Variants in WDPCP observed in about 807,000 individuals in gnomAD.
WDPCP encodes WD repeat containing planar cell polarity effector.
WDPCP carries 71 observed loss-of-function variants against 93.1 expected under a neutral mutation model. The observed-to-expected ratio is 0.76, with a 90% confidence interval of 0.63 to 0.93. The LOEUF is 0.93. Among genes scored for constraint, WDPCP ranks in the 40% least tolerant of loss-of-function variants. The pLI is 0.00. For synonymous variants in WDPCP, 315 were observed against 315.0 expected, an observed-to-expected ratio of 1.00 and a Z score of 0.00; for missense variants, 844 against 887.4, an observed-to-expected ratio of 0.95 and a Z score of 0.62.
upstream of WDPCP, among the ~76,000 whole-genome samples, chr2:63,828,331 C>T (rs1352872951): frequency 6.6e-6 from 1 of 152,058 alleles, no homozygotes; most frequent in Non-Finnish European, 1.5e-5. Context: ...CCAACTATTT[C>T]CTCAGAGAGG....
intron 2 of WDPCP, among the ~76,000 whole-genome samples, chr2:63,799,649 A>C (rs181042083): frequency 6.6e-6 from 1 of 152,338 alleles, no homozygotes; most frequent in Admixed American, 6.5e-5. Flanking sequence ...GGCCACAAAA[A>C]GTCTTTGTCT....
chr2:63,609,538 CAT>C (rs1289185128), intron 3 of WDPCP, among the ~76,000 whole-genome samples: 1 of 152,224 alleles, frequency 6.6e-6, no homozygotes, highest in East Asian at 1.9e-4. Flanking sequence ...ATGAATCAAA[CAT>C]ATCTTTAGAA....
chr2:63,746,885 G>A (rs958407911), intron 2 of WDPCP, among the ~76,000 whole-genome samples: 1 of 152,024 alleles, frequency 6.6e-6, no homozygotes, highest in Non-Finnish European at 1.5e-5. Flanking sequence ...TTGCCCTTGA[G>A]GCATGTGATC....
intron 2 of WDPCP, among the ~76,000 whole-genome samples, chr2:63,765,582 C>G (rs1166206285): frequency 6.6e-6 from 1 of 152,178 alleles, no homozygotes; most frequent in African/African-American, 2.4e-5. Context: ...GCTAGATGTA[C>G]TAGGCCTTTT....
At chr2:63,595,517 A>C (rs377196579) in intron 3 of WDPCP, 1 of 1,591,190 alleles carries the variant, frequency 6.3e-7, no homozygotes, top group South Asian at 1.1e-5. Context: ...CCCCTCCTGA[A>C]AGGTGGGTTG....
intron 1 of WDPCP, among the ~76,000 whole-genome samples, chr2:63,575,700 A>G (rs957557265): frequency 6.0e-5 from 9 of 150,638 alleles, no homozygotes; most frequent in Non-Finnish European, 1.0e-4. Flanking sequence ...TACTACTAAA[A>G]ATGTCTTATT....
At chr2:63,769,983 C>A (rs2103942390) in intron 2 of WDPCP, among the ~76,000 whole-genome samples, 1 of 151,776 alleles carries the variant, frequency 6.6e-6, no homozygotes, top group South Asian at 2.1e-4. Context: ...CAGGTAGAGT[C>A]CCCCCAAGAC....
At chr2:63,467,776 CAA>C (rs3051717) in intron 6 of WDPCP, among the ~76,000 whole-genome samples, 50,154 of 89,120 alleles carry the variant, frequency 0.56, 11,573 homozygotes, top group East Asian at 0.85. Context: ...ACTCAGTCTC[CAA>C]AAAAAAAAAA....
At chr2:63,170,562 C>T (rs976869764) in intron 15 of WDPCP, among the ~76,000 whole-genome samples, 1 of 152,178 alleles carries the variant, frequency 6.6e-6, no homozygotes, top group African/African-American at 2.4e-5. Context: ...AGCCACCGTG[C>T]CTGGCCTCAT....
chr2:63,545,305 G>C (rs1241834576), intron 1 of WDPCP, among the ~76,000 whole-genome samples: 1 of 151,124 alleles, frequency 6.6e-6, no homozygotes, highest in Non-Finnish European at 1.5e-5. Context: ...GTGTGTGTGT[G>C]CACGTGTATG....
intron 2 of WDPCP, among the ~76,000 whole-genome samples, chr2:63,657,411 T>G (rs1710181522): frequency 6.6e-6 from 1 of 152,084 alleles, no homozygotes; most frequent in African/African-American, 2.4e-5. Flanking sequence ...TTTCACCGTG[T>G]TAGCCCGGAT....
intron 1 of WDPCP, among the ~76,000 whole-genome samples, chr2:63,575,140 C>T (rs1368049623): frequency 6.6e-6 from 1 of 151,316 alleles, no homozygotes; most frequent in Non-Finnish European, 1.5e-5. Flanking sequence ...AGGAGGGCTG[C>T]CTAGGGGACA....
chr2:63,200,607 A>G (rs1317339945), intron 14 of WDPCP, among the ~76,000 whole-genome samples: 2 of 152,192 alleles, frequency 1.3e-5, no homozygotes, highest in Non-Finnish European at 2.9e-5. Context: ...TCACTTATTT[A>G]TGAGAGCTAA....
chr2:63,661,716 A>G (rs1189853173), intron 2 of WDPCP, among the ~76,000 whole-genome samples: 2 of 152,228 alleles, frequency 1.3e-5, no homozygotes, highest in African/African-American at 4.8e-5. Context: ...TATCTACGAA[A>G]CAAACAAAAT....
chr2:63,590,359 G>C (rs1011868403), upstream of WDPCP: 3 of 152,018 alleles, frequency 2.0e-5, no homozygotes, highest in Non-Finnish European at 2.9e-5. Context: ...TTTCTATATT[G>C]TGTCTTACAC....
intron 17 of WDPCP, among the ~76,000 whole-genome samples, chr2:63,136,668 A>T (rs1002879072): frequency 1.3e-5 from 2 of 152,014 alleles, no homozygotes; most frequent in African/African-American, 4.8e-5. Context: ...CCTAGTACCC[A>T]TTAGTTATTT....
intron 2 of WDPCP, among the ~76,000 whole-genome samples, chr2:63,676,738 T>G (rs1046379002): frequency 1.3e-5 from 2 of 152,078 alleles, no homozygotes; most frequent in Non-Finnish European, 2.9e-5. Context: ...GTATCTCATT[T>G]GTGGTGCTTT....
At chr2:63,658,178 G>C (rs1558877365) in intron 2 of WDPCP, among the ~76,000 whole-genome samples, 1 of 152,056 alleles carries the variant, frequency 6.6e-6, no homozygotes, top group African/African-American at 2.4e-5. Context: ...CTTTGATTCT[G>C]ATTCTTGGTT....
intron 2 of WDPCP, among the ~76,000 whole-genome samples, chr2:63,794,094 C>T (rs1160756818): frequency 6.6e-6 from 1 of 152,140 alleles, no homozygotes; most frequent in African/African-American, 2.4e-5. Context: ...GTCAACCCGG[C>T]CATGTCATGC....
Sources: gnomAD v4.1 joint callset for allele counts (sites outside exome capture counted in the v4.1 genomes callset) on GRCh38, gnomAD v4.1.1 for gene constraint, MANE v1.5 for transcripts, NCBI Gene and HGNC (gene_info 2026-07-23, HGNC 2026-07-21) for gene names.